The following GPATCH2L variants were observed in gnomAD, a reference collection of about 807,000 sequenced individuals.
GPATCH2L encodes the protein G-patch domain containing 2 like.
Under a neutral mutation model 57.4 loss-of-function variants are expected in GPATCH2L, and 31 were observed. That is an observed-to-expected ratio of 0.54 (90% CI 0.41 to 0.73). GPATCH2L has a LOEUF of 0.73. Ranked by LOEUF, GPATCH2L falls within the 30% of genes least tolerant of loss-of-function variation. GPATCH2L has a pLI of 0.00. For missense variants in GPATCH2L, 481 were observed against 599.9 expected, an observed-to-expected ratio of 0.80 and a Z score of 2.07; for synonymous variants, 199 against 210.7, an observed-to-expected ratio of 0.94 and a Z score of 0.48.
At chr14:76,152,603 C>T (rs2038104234) in intron 1 of GPATCH2L, 1 of 452,278 alleles carries the variant, frequency 2.2e-6, no homozygotes, top group South Asian at 1.6e-5. Flanking sequence ...CCGCCGGGTC[C>T]TCTCGAGAGT....
chr14:76,158,548 T>C (rs1347435119), intron 2 of GPATCH2L, among the ~76,000 whole-genome samples: 2 of 152,228 alleles, frequency 1.3e-5, no homozygotes, highest in Non-Finnish European at 2.9e-5. Context: ...TCAATAACAC[T>C]CTATAGCAGT....
chr14:76,182,970 G>A (rs901801056), intron 8 of GPATCH2L, among the ~76,000 whole-genome samples: 8 of 152,202 alleles, frequency 5.3e-5, no homozygotes, highest in African/African-American at 1.7e-4. Flanking sequence ...TAATGTCTGT[G>A]TATACTGTTT....
At chr14:76,181,642 G>C (rs1460351007) in intron 8 of GPATCH2L, among the ~76,000 whole-genome samples, 1 of 152,130 alleles carries the variant, frequency 6.6e-6, no homozygotes, top group Non-Finnish European at 1.5e-5. Context: ...TCTGGGACTT[G>C]TTAGGCATTA....
rs562424115 is a variant in GPATCH2L at position 76,208,072 on chromosome 14, A to G, written c.*6221A>G. The stretch of plus-strand genomic sequence containing the variant: ...ACACTTCTTTTCCATCTTGAAGACC[A>G]GTTAAAACTACCTCTGGCCAAAAAT... On this transcript the variant is annotated 3_prime_UTR_variant, in exon 10 of 10. Coordinates refer to ENST00000261530, the MANE Select transcript of GPATCH2L (RefSeq NM_017926.4). The G allele has an allele frequency of 3.3e-5, 5 of 152,336 alleles. No homozygotes were observed. The highest frequency in any genetic ancestry group is 9.6e-5 in the African/African-American group (4 of 41,572). 9.4% of individuals were successfully genotyped at this position (152,336 alleles called of 1,614,324 possible).
chr14:76,168,485 T>A (rs1450151873), intron 3 of GPATCH2L, among the ~76,000 whole-genome samples: 1 of 152,242 alleles, frequency 6.6e-6, no homozygotes, highest in Non-Finnish European at 1.5e-5. Context: ...GTTCCACTGA[T>A]CTTGCCTGGG....
At chr14:76,174,014 G>T (rs2039208300) in intron 5 of GPATCH2L, 3 of 239,872 alleles carry the variant, frequency 1.3e-5, no homozygotes, top group African/African-American at 2.3e-5. Flanking sequence ...CCTAATTTTG[G>T]TCTTTCATCC....
chr14:76,173,782 A>C (rs2289836), intron 5 of GPATCH2L, 157 bp downstream of exon 5: 87,678 of 564,280 alleles, frequency 0.16, 7,567 homozygotes, highest in Middle Eastern at 0.29. Context: ...CATTATGTAG[A>C]ATGTGAATGG....
intron 8 of GPATCH2L, among the ~76,000 whole-genome samples, chr14:76,186,513 T>C (rs950983791): frequency 2.0e-5 from 3 of 152,190 alleles, no homozygotes; most frequent in Non-Finnish European, 4.4e-5. Context: ...CTTTTATTAG[T>C]CCTGTATCTG....
At chr14:76,165,364 C>T (rs533968776) in intron 2 of GPATCH2L, among the ~76,000 whole-genome samples, 41 of 151,598 alleles carry the variant, frequency 2.7e-4, no homozygotes, top group Middle Eastern at 3.4e-3. Flanking sequence ...TGGTGGTGCG[C>T]GCCTGTAATC....
intron 1 of GPATCH2L, among the ~76,000 whole-genome samples, chr14:76,229,168 T>G (rs2040549338): frequency 6.6e-6 from 1 of 152,250 alleles, no homozygotes; most frequent in South Asian, 2.1e-4. Flanking sequence ...TGTCAGGAGC[T>G]AGGCTGACTA....
rs2038615022 is a variant in GPATCH2L, at chr14:76,162,098, CT to C, written c.663-4564del. Reference sequence around the variant, plus strand: ...CAATGAATACTTTATCGCTTGGAATCTGAGAGTGACTTAGCTGGATGGTTCT... The same window carrying C: ...CAATGAATACTTTATCGCTTGGAATCGAGAGTGACTTAGCTGGATGGTTCT... On this transcript the variant is annotated intron_variant, in intron 2 of 9. Transcript: ENST00000261530. Among the ~76,000 whole-genome samples, 3 of 146,130 alleles carry C rather than the reference CT, an allele frequency of 2.1e-5. No homozygotes were observed. In the South Asian group the frequency reaches 7.0e-4, roughly 34 times the overall value.
intron 1 of GPATCH2L, among the ~76,000 whole-genome samples, chr14:76,220,005 C>T (rs899905619): frequency 1.3e-5 from 2 of 152,152 alleles, no homozygotes; most frequent in African/African-American, 4.8e-5. Flanking sequence ...TCAGGCAAAT[C>T]GTGCATGAAA....
downstream of GPATCH2L, among the ~76,000 whole-genome samples, chr14:76,217,889 A>G (rs1341003057): frequency 1.3e-5 from 2 of 151,922 alleles, no homozygotes; most frequent in African/African-American, 2.4e-5. Context: ...AGAGACAAAG[A>G]AACTGAGTCA....
At chr14:76,227,255 C>T (rs755381663) in intron 1 of GPATCH2L, among the ~76,000 whole-genome samples, 4 of 152,164 alleles carry the variant, frequency 2.6e-5, no homozygotes, top group African/African-American at 7.2e-5. Flanking sequence ...GTCTTCTGGC[C>T]GGCATCTGTT....
rs767136782 is a variant in GPATCH2L, at chr14:76,177,995, A to G, written c.1060A>G (p.Lys354Glu). Residue 354 changes from lysine to glutamate, a missense_variant, in exon 7 of 10, where the codon AAA becomes GAA. By Grantham distance (56) the Lys-to-Glu change is moderately conservative. Coordinates refer to ENST00000261530, the MANE Select transcript of GPATCH2L (RefSeq NM_017926.4). The part of the protein sequence containing the change: ...ISDPRQKEKN[K>E]ALASDFPHIS... ...TGGTTTCCTTTTCTTTAGAAAGAAT[A>G]AAGCGTTGGCTTCTGATTTTCCTCA... 2.5e-6 allele frequency: 4 copies of G among 1,605,338 alleles called. No individual in the cohort carries two copies. The highest frequency in any genetic ancestry group is 3.4e-6 in the Non-Finnish European group (4 of 1,172,298).
In GPATCH2L at chr14:76,191,088, A is replaced by T. The variant is rs76126952; in HGVS notation, c.1194-4790A>T. Among the ~76,000 whole-genome samples, 656 of 152,158 alleles carry T rather than the reference A, an allele frequency of 4.3e-3. 2 individuals are homozygous for T. The highest frequency in any genetic ancestry group is 0.015 in the African/African-American group (627 of 41,516). ...TCTTTCAACCTTTCTACTTGTAGGG[A>T]GGGTCTCTGTGTTGGTGAGAAAGGG... On this transcript the variant is annotated intron_variant, in intron 8 of 9. Coordinates refer to ENST00000261530, the MANE Select transcript of GPATCH2L (RefSeq NM_017926.4).
At chr14:76,166,600 G>A (rs1594925212) in intron 2 of GPATCH2L, 63 bp from the exon 3 acceptor site, 3 of 1,082,148 alleles carry the variant, frequency 2.8e-6, no homozygotes, top group East Asian at 4.7e-5. Flanking sequence ...ACCAAAATAA[G>A]TGTACAGTGC....
chr14:76,193,895 G>A (rs1434680718), intron 8 of GPATCH2L, among the ~76,000 whole-genome samples: 3 of 152,168 alleles, frequency 2.0e-5, no homozygotes, highest in Admixed American at 6.5e-5. Flanking sequence ...CTGAGGATAA[G>A]GATGATTGAA....
At chr14:76,216,121 C>A (rs12590690), downstream of GPATCH2L, among the ~76,000 whole-genome samples, 58,838 of 151,284 alleles carry the variant, frequency 0.39, 13,936 homozygotes, top group South Asian at 0.55. Context: ...AAAGTGGGGA[C>A]CCTCCAAGTG....
Sources: gnomAD v4.1 joint callset for allele counts (sites outside exome capture counted in the v4.1 genomes callset) on GRCh38, gnomAD v4.1.1 for gene constraint, MANE v1.5 for transcripts, NCBI Gene and HGNC (gene_info 2026-07-23, HGNC 2026-07-21) for gene names.